Variants in GPHN observed in about 807,000 individuals in gnomAD.
The protein encoded by GPHN is gephyrin.
Under a neutral mutation model 95.5 loss-of-function variants are expected in GPHN, and 17 were observed. The ratio of observed to expected loss-of-function variants is 0.18; its 90% CI spans 0.12 to 0.27. GPHN has a LOEUF of 0.27. Ranked by LOEUF, GPHN falls within the 10% of genes least tolerant of loss-of-function variation. The pLI, the probability that GPHN is intolerant of heterozygous loss-of-function variation, is 1.00. For synonymous variants in GPHN, 320 were observed against 322.5 expected (o/e 0.99, Z 0.08); for missense variants, 660 against 978.1 (o/e 0.67, Z 4.34).
At chr14:67,490,377 C>T in the GPHN span, among the ~76,000 whole-genome samples, 679 of 152,270 alleles carry the variant, frequency 4.5e-3, 3 homozygotes, top group African/African-American at 0.016. Flanking sequence ...TCCAACATCA[C>T]GCAAGGAAGA....
intron 5 of GPHN, among the ~76,000 whole-genome samples, chr14:66,899,820 A>G (rs887070251): frequency 6.6e-6 from 1 of 151,890 alleles, no homozygotes; most frequent in African/African-American, 2.4e-5. Context: ...ACTCTCTGGA[A>G]GAGTTTATGT....
At chr14:67,126,330 C>G (rs1053424220) in intron 17 of GPHN, among the ~76,000 whole-genome samples, 1 of 152,118 alleles carries the variant, frequency 6.6e-6, no homozygotes, top group Non-Finnish European at 1.5e-5. Context: ...ATCCATAATT[C>G]TCTACTATCA....
chr14:67,306,374 T>C, the GPHN span, among the ~76,000 whole-genome samples: 2 of 152,132 alleles, frequency 1.3e-5, no homozygotes, highest in Non-Finnish European at 2.9e-5. Context: ...AGACAGAGTC[T>C]TGCTCTGTCG....
chr14:67,555,926 A>G, the GPHN span: 3 of 1,604,946 alleles, frequency 1.9e-6, no homozygotes, highest in Non-Finnish European at 2.6e-6. Context: ...ATGCAGGGGA[A>G]TGACCGTCGG....
At chr14:66,929,630 T>C (rs1404374212) in intron 8 of GPHN, among the ~76,000 whole-genome samples, 1 of 152,176 alleles carries the variant, frequency 6.6e-6, no homozygotes. Flanking sequence ...TAAGTATAGC[T>C]ACTGCTACTC....
At chr14:66,866,789 G>A (rs1390976800) in intron 4 of GPHN, among the ~76,000 whole-genome samples, 1 of 152,112 alleles carries the variant, frequency 6.6e-6, no homozygotes, top group Non-Finnish European at 1.5e-5. Context: ...TGGTTGGCAT[G>A]CTTTATAAAG....
the GPHN span, among the ~76,000 whole-genome samples, chr14:67,437,476 T>C: frequency 2.0e-5 from 3 of 152,154 alleles, no homozygotes; most frequent in Non-Finnish European, 2.9e-5. Flanking sequence ...TGTCTGAGTC[T>C]AATGGGAAGT....
At position 66,626,443 on chromosome 14, in the gene GPHN, C is replaced by T. The variant is rs112904540; in HGVS notation, c.65-54664C>T. Among the ~76,000 whole-genome samples, 735 of 151,804 alleles carry T rather than the reference C, an allele frequency of 4.8e-3. 10 individuals are homozygous for T. The highest frequency in any genetic ancestry group is 0.013 in the African/African-American group (532 of 41,404). On this transcript the variant is annotated intron_variant, in intron 1 of 22. Coordinates refer to ENST00000478722, the MANE Select transcript of GPHN (RefSeq NM_020806.5). ...TTCTCATTCTGATCAAAATTTTCAC[C>T]GAAGGATGAAGATTTAACAGAAGTG...
intron 19 of GPHN, among the ~76,000 whole-genome samples, chr14:67,159,799 T>C (rs1025468724): frequency 2.6e-5 from 4 of 152,132 alleles, no homozygotes; most frequent in Non-Finnish European, 5.9e-5. Context: ...TTATCTGTTT[T>C]TAAAAATAAT....
chr14:67,198,178 G>A, the GPHN span: 18 of 1,612,552 alleles, frequency 1.1e-5, no homozygotes, highest in Non-Finnish European at 1.4e-5. Context: ...AAGAACACCA[G>A]CAAGACTACC....
chr14:67,401,554 G>T, the GPHN span, among the ~76,000 whole-genome samples: 1 of 151,800 alleles, frequency 6.6e-6, no homozygotes, highest in Non-Finnish European at 1.5e-5. Flanking sequence ...GAGGAGATTT[G>T]GACACACAGC....
At chr14:66,590,655 G>T (rs1310377920) in intron 1 of GPHN, among the ~76,000 whole-genome samples, 1 of 152,060 alleles carries the variant, frequency 6.6e-6, no homozygotes, top group Non-Finnish European at 1.5e-5. Context: ...AATTGAGGCA[G>T]TAATTAATAG....
intron 1 of GPHN, among the ~76,000 whole-genome samples, chr14:66,533,125 TC>T (rs1295827800): frequency 6.6e-6 from 1 of 152,240 alleles, no homozygotes; most frequent in African/African-American, 2.4e-5. Context: ...AATGTTTTTT[TC>T]CCCATTACAG....
chr14:67,264,004 C>T, the GPHN span, among the ~76,000 whole-genome samples: 4 of 152,004 alleles, frequency 2.6e-5, no homozygotes, highest in Non-Finnish European at 4.4e-5. Context: ...CTTAAGTGAT[C>T]CTCCCACCTC....
chr14:67,504,383 A>G, the GPHN span, among the ~76,000 whole-genome samples: 1 of 152,226 alleles, frequency 6.6e-6, no homozygotes, highest in East Asian at 1.9e-4. Flanking sequence ...AAGCATGTTT[A>G]CTGTACTACA....
chr14:67,637,390 G>A, the GPHN span, among the ~76,000 whole-genome samples: 3,967 of 126,012 alleles, frequency 0.031, 208 homozygotes, highest in African/African-American at 0.11. Context: ...CAGCCTGAGC[G>A]ACAGAGCAAG....
intron 4 of GPHN, among the ~76,000 whole-genome samples, chr14:66,841,126 A>C (rs1263977387): frequency 3.3e-5 from 5 of 151,924 alleles, no homozygotes; most frequent in Non-Finnish European, 5.9e-5. Flanking sequence ...CCTTTATGGA[A>C]TTTACATTTT....
At chr14:67,716,030 C>T in the GPHN span, among the ~76,000 whole-genome samples, 1 of 151,952 alleles carries the variant, frequency 6.6e-6, no homozygotes, top group Non-Finnish European at 1.5e-5. Flanking sequence ...CCCGTCTCTA[C>T]TAAAAATACA....
chr14:66,825,896 G>A (rs942189500), intron 4 of GPHN, among the ~76,000 whole-genome samples: 1 of 152,104 alleles, frequency 6.6e-6, no homozygotes. Flanking sequence ...ATGACTGACT[G>A]AAAAAGTACA....
Sources: allele counts gnomAD v4.1 joint callset (sites outside exome capture counted in the v4.1 genomes callset), GRCh38; gene constraint gnomAD v4.1.1; transcripts MANE v1.5; gene names NCBI Gene and HGNC (gene_info 2026-07-23, HGNC 2026-07-21).